TNFAIP8: variants seen among roughly 807,000 people sequenced by gnomAD.
TNFAIP8 encodes TNF alpha induced protein 8.
TNFAIP8 carries 7 observed loss-of-function variants against 13.3 expected under a neutral mutation model. The observed-to-expected ratio is 0.52, with a 90% CI of 0.30 to 0.99. TNFAIP8 has a LOEUF of 0.99. Among genes scored for constraint, TNFAIP8 ranks in the 50% least tolerant of loss-of-function variants. The pLI is 0.07. For synonymous variants in TNFAIP8, 94 were observed against 87.6 expected (o/e 1.07, Z -0.41); for missense variants, 258 against 236.9 (o/e 1.09, Z -0.58).
Position 119,369,503 on chromosome 5 carries a change from T to C in TNFAIP8, c.31+13382T>C, listed in dbSNP as rs186478173. On this transcript the variant is annotated intron_variant, in intron 1 of 1. Coordinates refer to ENST00000504771, the MANE Select transcript of TNFAIP8 (RefSeq NM_014350.4). ...ACATTGTAGGCAAACAGAAAATGCC[T>C]GATAACCAGTGAGGTGTGAGGACAG... Among the ~76,000 whole-genome samples, 32 of 152,362 alleles carry C rather than the reference T, an allele frequency of 2.1e-4. 1 individual carries two copies. Among genetic ancestry groups the C allele is most frequent in the African/African-American group, 7.7e-4 (32 of 41,586 alleles).
At chr5:119,270,743 A>G (rs973348621) in intron 1 of TNFAIP8, among the ~76,000 whole-genome samples, 28 of 152,246 alleles carry the variant, frequency 1.8e-4, no homozygotes, top group Admixed American at 2.0e-4. Context: ...AATCCCTTAG[A>G]TATTGAATGT....
At chr5:119,382,661 G>C (rs1048333531) in intron 1 of TNFAIP8, among the ~76,000 whole-genome samples, 3 of 152,008 alleles carry the variant, frequency 2.0e-5, no homozygotes, top group African/African-American at 7.3e-5. Context: ...AATCCTCTTG[G>C]TAGTCCCATT....
At chr5:119,347,459 C>T (rs1750946230) in intron 1 of TNFAIP8, among the ~76,000 whole-genome samples, 1 of 152,158 alleles carries the variant, frequency 6.6e-6, no homozygotes, top group East Asian at 1.9e-4. Context: ...TTTAGATCTC[C>T]TGTTTGTACT....
chr5:119,358,130 A>C (rs1751504518), intron 1 of TNFAIP8, among the ~76,000 whole-genome samples: 1 of 135,768 alleles, frequency 7.4e-6, no homozygotes, highest in Admixed American at 7.5e-5. Context: ...TGGTGAACTT[A>C]TGTATCCCAT....
At chr5:119,327,364 C>G (rs1750254135) in intron 1 of TNFAIP8, among the ~76,000 whole-genome samples, 1 of 152,038 alleles carries the variant, frequency 6.6e-6, no homozygotes, top group Admixed American at 6.6e-5. Context: ...ATGATGTGTG[C>G]TTTTCTTAGG....
rs569928437 is a variant in TNFAIP8, at chr5:119,321,392, G to A, written c.1+52485G>A. Among the ~76,000 whole-genome samples, 5 of 133,810 alleles carry A rather than the reference G, an allele frequency of 3.7e-5. No individual in the cohort carries two copies. In the East Asian group the frequency reaches 1.2e-3, roughly 32 times the overall value. The allele number at this position is 133,810 out of a possible 152,430, so 87.8% of individuals were successfully genotyped here. A position where few individuals can be genotyped will look rare whatever the true frequency, so the allele number is the denominator to read the frequency against. ...AGAATCTGGATGATTTCTAGTCCTG[G>A]AGGATAAATACAATACTAATAACTT... On this transcript the variant is annotated intron_variant, in intron 1 of 1. Transcript: ENST00000274456.
intron 1 of TNFAIP8, among the ~76,000 whole-genome samples, chr5:119,276,873 T>C (rs1207217344): frequency 6.6e-6 from 1 of 152,224 alleles, no homozygotes; most frequent in African/African-American, 2.4e-5. Context: ...TTAGTTGTCC[T>C]CCTTTACACA....
chr5:119,280,886 C>A (rs975020352), intron 1 of TNFAIP8, among the ~76,000 whole-genome samples: 18 of 151,518 alleles, frequency 1.2e-4, no homozygotes, highest in Non-Finnish European at 1.5e-5. Context: ...TCATGTCATT[C>A]TCAGAAGATC....
At chr5:119,293,561 A>G (rs1326586919) in intron 1 of TNFAIP8, among the ~76,000 whole-genome samples, 1 of 152,202 alleles carries the variant, frequency 6.6e-6, no homozygotes, top group Non-Finnish European at 1.5e-5. Context: ...TCCATTGTGT[A>G]TGTGTACTAT....
At chr5:119,365,539 C>T in intron 1 of TNFAIP8, among the ~76,000 whole-genome samples, 1 of 152,320 alleles carries the variant, frequency 6.6e-6, no homozygotes, top group East Asian at 1.9e-4. Context: ...CACCAAAAGA[C>T]AGAACCCTGC....
At chr5:119,276,865 A>G in intron 1 of TNFAIP8, among the ~76,000 whole-genome samples, 1 of 152,226 alleles carries the variant, frequency 6.6e-6, no homozygotes, top group East Asian at 1.9e-4. Flanking sequence ...AAAGGATATT[A>G]GTTGTCCTCC....
intron 1 of TNFAIP8, among the ~76,000 whole-genome samples, chr5:119,315,724 G>A: frequency 6.6e-6 from 1 of 152,092 alleles, no homozygotes; most frequent in East Asian, 1.9e-4. Context: ...TTTTTTACAG[G>A]AATCAAGCTT....
At chr5:119,278,485 G>A (rs1477191558) in intron 1 of TNFAIP8, among the ~76,000 whole-genome samples, 2 of 150,848 alleles carry the variant, frequency 1.3e-5, no homozygotes, top group East Asian at 3.9e-4. Flanking sequence ...TTTTCATCCG[G>A]GAGTAAAATC....
chr5:119,358,690 G>C (rs576688117), intron 1 of TNFAIP8, among the ~76,000 whole-genome samples: 9 of 152,320 alleles, frequency 5.9e-5, no homozygotes, highest in Middle Eastern at 3.4e-3. Flanking sequence ...GCTGATAGCC[G>C]TGTATTTGGC....
chr5:119,357,495 C>A (rs191580360), intron 1 of TNFAIP8, among the ~76,000 whole-genome samples: 6 of 152,188 alleles, frequency 3.9e-5, no homozygotes, highest in African/African-American at 1.4e-4. Flanking sequence ...CTTAAGCTGG[C>A]GTTTTCTCTC....
intron 1 of TNFAIP8, among the ~76,000 whole-genome samples, chr5:119,269,747 A>C (rs1024871329): frequency 6.6e-6 from 1 of 152,184 alleles, no homozygotes; most frequent in Non-Finnish European, 1.5e-5. Context: ...GAAACAAGAA[A>C]ATCCTTGGAT....
intron 1 of TNFAIP8, among the ~76,000 whole-genome samples, chr5:119,288,883 CACTT>C (rs1210583108): frequency 6.6e-6 from 1 of 152,206 alleles, no homozygotes; most frequent in East Asian, 1.9e-4. Flanking sequence ...TTATAACAAG[CACTT>C]ACTACTCATT....
At chr5:119,320,787 A>G (rs1388839676) in intron 1 of TNFAIP8, among the ~76,000 whole-genome samples, 5 of 151,366 alleles carry the variant, frequency 3.3e-5, no homozygotes, top group African/African-American at 1.2e-4. Context: ...TACCTGAATA[A>G]CTGTTCTCTC....
In TNFAIP8 at chr5:119,397,512, A is replaced by G. The variant is rs1384322053; in HGVS notation, c.*4131A>G. 6 of 152,222 alleles carry G rather than the reference A, an allele frequency of 3.9e-5. No individual in the cohort carries two copies. Among genetic ancestry groups the G allele is most frequent in the Admixed American group, 1.3e-4 (2 of 15,280 alleles). The allele number at this position is 152,222 out of a possible 1,614,324, so 9.4% of individuals were successfully genotyped here. A position where few individuals can be genotyped will look rare whatever the true frequency, so the allele number is the denominator to read the frequency against. On this transcript the variant is annotated 3_prime_UTR_variant, in exon 2 of 2. Transcript: ENST00000504771. ...TTCAGTGTTTTACTTGATATATTGC[A>G]TTCTTGAGCATTAGGCTTCTAGGTG...
Sources: allele counts gnomAD v4.1 joint callset (sites outside exome capture counted in the v4.1 genomes callset), GRCh38; gene constraint gnomAD v4.1.1; transcripts MANE v1.5; gene names NCBI Gene and HGNC (gene_info 2026-07-23, HGNC 2026-07-21).